EPN1: variants seen among roughly 807,000 people sequenced by gnomAD.
The protein encoded by EPN1 is epsin 1.
EPN1 carries 25 observed loss-of-function variants against 56.9 expected under a neutral mutation model. The observed-to-expected ratio is 0.44, with a 90% CI of 0.32 to 0.61. The LOEUF is 0.61. EPN1 is among the 20% of genes least tolerant of loss of function. The probability of loss-of-function intolerance (pLI) is 0.05; values close to 1 mark genes in which losing one functional copy is unlikely to be tolerated. For missense variants in EPN1, 785 were observed against 823.7 expected (o/e 0.95, Z 0.58); for synonymous variants, 411 against 361.8 (o/e 1.14, Z -1.54).
rs930857721 is a variant in EPN1, at chr19:55,697,238, C to A, written c.*1882C>A. ...CTCTAGGCGGTTGTGATGGGGGAGC[C>A]CCACAGGGCACAGAGAGCCAGCTGA... On this transcript the variant is annotated 3_prime_UTR_variant, in exon 11 of 11. Transcript: ENST00000270460. 1.3e-5 allele frequency: 2 copies of A among 152,060 alleles called. No homozygotes were observed. The highest frequency in any genetic ancestry group is 4.8e-5 in the African/African-American group (2 of 41,378). The allele number at this position is 152,060 out of a possible 1,614,324, so 9.4% of individuals were successfully genotyped here. A position where few individuals can be genotyped will look rare whatever the true frequency, so the allele number is the denominator to read the frequency against.
chr19:55,685,386 C>G lies in EPN1; in HGVS notation c.229-10C>G. On this transcript the variant is annotated splice_polypyrimidine_tract_variant and intron_variant, in intron 2 of 10. Coordinates refer to ENST00000270460, the MANE Select transcript of EPN1 (RefSeq NM_001130072.2). ...GCGTGCTGACCGGGCATCCCCGTGC[C>G]CGCTCGCAGGCCATGACGCTGATGG... 6.2e-7 allele frequency: 1 copy of G among 1,607,898 alleles called. No homozygotes were observed. The highest frequency in any genetic ancestry group is 8.5e-7 in the Non-Finnish European group (1 of 1,177,600).
intron 3 of EPN1, among the ~76,000 whole-genome samples, chr19:55,687,546 C>A (rs1315061744): frequency 6.7e-6 from 1 of 150,338 alleles, no homozygotes; most frequent in African/African-American, 2.4e-5. Flanking sequence ...GGTGTAGATT[C>A]CCAGCACTCA....
intron 1 of EPN1, among the ~76,000 whole-genome samples, chr19:55,676,419 T>G (rs1054844275): frequency 1.3e-5 from 2 of 152,246 alleles, no homozygotes; most frequent in Non-Finnish European, 2.9e-5. Context: ...TTTGATGTGC[T>G]AGTTGGGTAA....
In EPN1 at chr19:55,689,284, C is replaced by T. The variant is rs1237577634; in HGVS notation, c.604-13C>T. The T allele has an allele frequency of 1.3e-6, 2 of 1,544,058 alleles. No individual in the cohort carries two copies. The highest frequency in any genetic ancestry group is 1.2e-5 in the South Asian group (1 of 83,892). On this transcript the variant is annotated splice_polypyrimidine_tract_variant and intron_variant, in intron 4 of 10. Coordinates refer to ENST00000270460, the MANE Select transcript of EPN1 (RefSeq NM_001130072.2). The surrounding 1 kb of genome is among the most constrained non-coding windows in gnomAD (Gnocchi z 5.7). ...CCCCTCCCGTCATGCCCCTCACACT[C>T]TCTCTCCCCCAGCCCCCGTCCTGCG...
chr19:55,682,334 T>G (rs1447246616), intron 2 of EPN1, among the ~76,000 whole-genome samples: 1 of 152,248 alleles, frequency 6.6e-6, no homozygotes, highest in Non-Finnish European at 1.5e-5. Context: ...TTTATATATG[T>G]GGAGTCACAC....
intron 2 of EPN1, among the ~76,000 whole-genome samples, chr19:55,684,754 A>G (rs201899326): frequency 4.6e-5 from 7 of 152,298 alleles, no homozygotes; most frequent in East Asian, 1.9e-4. Context: ...GACCCCCTTC[A>G]TTGTGATTTA....
At chr19:55,678,505 A>G (rs1985586119) in intron 1 of EPN1, 22 bp from the exon 2 acceptor site, 6 of 1,528,416 alleles carry the variant, frequency 3.9e-6, no homozygotes, top group Non-Finnish European at 5.3e-6. Flanking sequence ...TTGTGTTTCC[A>G]GAGGTCCTCT....
At chr19:55,682,479 C>T (rs1254878228) in intron 2 of EPN1, among the ~76,000 whole-genome samples, 6 of 152,076 alleles carry the variant, frequency 3.9e-5, no homozygotes, top group African/African-American at 1.4e-4. Flanking sequence ...AGTGCGTTGA[C>T]ATGTTCTCGG....
Position 55,705,858 on chromosome 19 carries a change from T to C in EPN1, c.*10502T>C, listed in dbSNP as rs536467064. The C allele has an allele frequency of 0.019, 2,687 of 141,896 alleles. 35 individuals carry two copies. Among genetic ancestry groups the C allele is most frequent in the Non-Finnish European group, 0.029 (1,874 of 64,834 alleles). The allele number at this position is 141,896 out of a possible 1,614,324, so 8.8% of individuals were successfully genotyped here. A position where few individuals can be genotyped will look rare whatever the true frequency, so the allele number is the denominator to read the frequency against. ...AGTGTTGTGGGATATATATATATAT[T>C]TAGAGACAAGGTCTTGCTCTATCAC... On this transcript the variant is annotated 3_prime_UTR_variant, in exon 11 of 11. Transcript: ENST00000270460.
At chr19:55,687,658 C>T (rs899375105) in intron 3 of EPN1, among the ~76,000 whole-genome samples, 1 of 152,104 alleles carries the variant, frequency 6.6e-6, no homozygotes, top group Non-Finnish European at 1.5e-5. Context: ...CTCACCTGTG[C>T]CCCACGCTGC....
rs989283798 is a variant in EPN1, at chr19:55,708,801, A to G, written c.*13445A>G. On this transcript the variant is annotated 3_prime_UTR_variant, in exon 11 of 11. Transcript: ENST00000270460. ...TAGAACACTTAGGGAGTACCTCTGA[A>G]ATCACAGCCCTGCTGCCATGATGTG... 4.3e-6 allele frequency: 3 copies of G among 702,292 alleles called. No individual in the cohort carries two copies. The highest frequency in any genetic ancestry group is 6.1e-5 in the Admixed American group (2 of 32,968). 43.5% of individuals were successfully genotyped at this position (702,292 alleles called of 1,614,324 possible).
At position 55,690,769 on chromosome 19, in the gene EPN1, T is replaced by G. The variant is rs78615432; in HGVS notation, c.762+819T>G. Among the ~76,000 whole-genome samples the G allele has an allele frequency of 5.1e-4, 78 of 152,250 alleles. 2 individuals are homozygous for G. In the East Asian group the frequency reaches 0.015, roughly 28 times the overall value. Reference sequence around the variant, plus strand: ...AAGTTTGAGGGGTGGGGACAAGGCCTCCTCTCCATGGGAGGCGGCAGACAG... The same window carrying G: ...AAGTTTGAGGGGTGGGGACAAGGCCGCCTCTCCATGGGAGGCGGCAGACAG... On this transcript the variant is annotated intron_variant, in intron 6 of 10. Coordinates refer to ENST00000270460, the MANE Select transcript of EPN1 (RefSeq NM_001130072.2).
rs2122241111 is a variant in EPN1, at chr19:55,702,603, CTGCGT to C, written c.*7248_*7252del. ...TGTTAGGAGAAGTGATTTCTTTGAA[CTGCGT>C]GGTGTGGTGAGAAAGGGAGCAATTT... On this transcript the variant is annotated 3_prime_UTR_variant, in exon 11 of 11. Transcript: ENST00000270460. 6.6e-6 allele frequency: 1 copy of C among 152,284 alleles called. No individual in the cohort carries two copies. The highest frequency in any genetic ancestry group is 2.4e-5 in the African/African-American group (1 of 41,538). The allele number at this position is 152,284 out of a possible 1,614,324, so 9.4% of individuals were successfully genotyped here.
At position 55,695,479 on chromosome 19, in the gene EPN1, C is replaced by G; in HGVS notation, c.*123C>G. 1.6e-6 allele frequency: 1 copy of G among 618,674 alleles called. No individual in the cohort carries two copies. Among genetic ancestry groups the G allele is most frequent in the East Asian group, 2.7e-5 (1 of 36,440 alleles). The allele number at this position is 618,674 out of a possible 1,614,324, so 38.3% of individuals were successfully genotyped here. On this transcript the variant is annotated 3_prime_UTR_variant, in exon 11 of 11. Transcript: ENST00000270460. The surrounding 1 kb of genome is among the most constrained non-coding windows in gnomAD (Gnocchi z 4.4). ...CCCAGTGCCCTTCCCCTTCCTGGGG[C>G]CCACTCACACTACACCCTCTTCCTT...
chr19:55,705,334 A>G lies in EPN1; in HGVS notation c.*9978A>G, dbSNP rs1049872473. Reference sequence around the variant, plus strand: ...AACAAACCAATGAAAAAAACCTCTCAGAACGATACAGAATCCAGAGCCACT... The same window carrying G: ...AACAAACCAATGAAAAAAACCTCTCGGAACGATACAGAATCCAGAGCCACT... On this transcript the variant is annotated 3_prime_UTR_variant, in exon 11 of 11. Transcript: ENST00000270460. The G allele has an allele frequency of 6.6e-6, 1 of 152,244 alleles. No individual in the cohort carries two copies. Among genetic ancestry groups the G allele is most frequent in the African/African-American group, 2.4e-5 (1 of 41,464 alleles). The allele number at this position is 152,244 out of a possible 1,614,324, so 9.4% of individuals were successfully genotyped here. A position where few individuals can be genotyped will look rare whatever the true frequency, so the allele number is the denominator to read the frequency against.
Position 55,689,220 on chromosome 19 carries a change from T to C in EPN1, c.604-77T>C. The C allele has an allele frequency of 8.1e-7, 1 of 1,234,164 alleles. No individual in the cohort carries two copies. Among genetic ancestry groups the C allele is most frequent in the Non-Finnish European group, 1.2e-6 (1 of 863,994 alleles). The allele number at this position is 1,234,164 out of a possible 1,614,324, so 76.5% of individuals were successfully genotyped here. A position where few individuals can be genotyped will look rare whatever the true frequency, so the allele number is the denominator to read the frequency against. On this transcript the variant is annotated intron_variant, in intron 4 of 10. Coordinates refer to ENST00000270460, the MANE Select transcript of EPN1 (RefSeq NM_001130072.2). The surrounding 1 kb of genome is among the most constrained non-coding windows in gnomAD (Gnocchi z 5.7). ...ACCCCCAGCCCTCTCTTTCTTCGGCTCTATCTGACCCTGGCTCTGCCTCTG... is the reference window on the plus strand; with the variant it reads ...ACCCCCAGCCCTCTCTTTCTTCGGCCCTATCTGACCCTGGCTCTGCCTCTG...
intron 2 of EPN1, among the ~76,000 whole-genome samples, chr19:55,683,942 G>A (rs1421167704): frequency 6.6e-6 from 1 of 152,176 alleles, no homozygotes; most frequent in African/African-American, 2.4e-5. Context: ...TGTTGTATGT[G>A]CGTTATTTTC....
At chr19:55,692,335 T>A (rs957038002) in intron 7 of EPN1, among the ~76,000 whole-genome samples, 7 of 147,004 alleles carry the variant, frequency 4.8e-5, no homozygotes, top group Non-Finnish European at 7.4e-5. Context: ...GTGTGTGACG[T>A]AGGCATCTGG....
rs1393205920 is a variant in EPN1 at position 55,697,248 on chromosome 19, A to G, written c.*1892A>G. ...TTGTGATGGGGGAGCCCCACAGGGC[A>G]CAGAGAGCCAGCTGAAGGCGGCAGC... On this transcript the variant is annotated 3_prime_UTR_variant, in exon 11 of 11. Coordinates refer to ENST00000270460, the MANE Select transcript of EPN1 (RefSeq NM_001130072.2). 3 of 152,110 alleles carry G rather than the reference A, an allele frequency of 2.0e-5. No individual in the cohort carries two copies. Among genetic ancestry groups the G allele is most frequent in the African/African-American group, 7.2e-5 (3 of 41,394 alleles). 9.4% of individuals were successfully genotyped at this position (152,110 alleles called of 1,614,324 possible). A position where few individuals can be genotyped will look rare whatever the true frequency, so the allele number is the denominator to read the frequency against.
Sources: allele counts gnomAD v4.1 joint callset (sites outside exome capture counted in the v4.1 genomes callset), GRCh38; gene constraint gnomAD v4.1.1; non-coding constraint Gnocchi (gnomAD v3.1); transcripts MANE v1.5; gene names NCBI Gene and HGNC (gene_info 2026-07-23, HGNC 2026-07-21).